NFIB: variants seen among roughly 807,000 people sequenced by gnomAD.
The protein encoded by NFIB is nuclear factor 1 B-type.
In NFIB, 11 loss-of-function variants were observed where a neutral mutation model predicts 61.5. The observed-to-expected ratio is 0.18, with a 90% confidence interval of 0.11 to 0.30. The LOEUF (loss-of-function observed/expected upper bound fraction) is 0.30. NFIB is among the 10% of genes least tolerant of loss of function. The pLI is 1.00. For synonymous variants in NFIB, 260 were observed against 216.5 expected (o/e 1.20, Z -1.76); for missense variants, 471 against 608.9 (o/e 0.77, Z 2.38).
At chr9:14,347,680 C>A (rs1417613288) in intron 1 of NFIB, among the ~76,000 whole-genome samples, 3 of 152,120 alleles carry the variant, frequency 2.0e-5, no homozygotes, top group African/African-American at 4.8e-5. Context: ...CCCAGAGGCA[C>A]TGGGGGGTCG....
chr9:14,185,954 C>A (rs2047290798), intron 2 of NFIB, among the ~76,000 whole-genome samples: 1 of 152,218 alleles, frequency 6.6e-6, no homozygotes, highest in South Asian at 2.1e-4. Flanking sequence ...CATGTCCCTA[C>A]TTTGCAAGCA....
intron 2 of NFIB, among the ~76,000 whole-genome samples, chr9:14,249,586 T>C (rs773798647): frequency 2.6e-5 from 4 of 152,104 alleles, no homozygotes; most frequent in Non-Finnish European, 4.4e-5. Flanking sequence ...TCAGTTTACG[T>C]CTATCATGAT....
the NFIB span, among the ~76,000 whole-genome samples, chr9:14,413,961 G>A: frequency 4.6e-5 from 7 of 152,098 alleles, no homozygotes; most frequent in Non-Finnish European, 1.0e-4. Flanking sequence ...ATCCTACTTG[G>A]TTCAAGGGTT....
Position 14,313,982 on chromosome 9 carries a change from G to C in NFIB, c.-471C>G, listed in dbSNP as rs1277311137. 9.4e-7 allele frequency: 1 copy of C among 1,058,474 alleles called. No individual in the cohort carries two copies. The highest frequency in any genetic ancestry group is 1.1e-6 in the Non-Finnish European group (1 of 877,138). 65.6% of individuals were successfully genotyped at this position (1,058,474 alleles called of 1,614,324 possible). A position where few individuals can be genotyped will look rare whatever the true frequency, so the allele number is the denominator to read the frequency against. ...CGCGGGAGGGCGCAGGAGGGCGAGC[G>C]GGCGGGCGGGAGGGAGAGCGGGGAG... On this transcript the variant is annotated 5_prime_UTR_variant, in exon 1 of 11. Coordinates refer to ENST00000380953, the MANE Select transcript of NFIB (RefSeq NM_001190737.2). The surrounding 1 kb of genome is among the most constrained non-coding windows in gnomAD (Gnocchi z 4.5).
chr9:14,407,614 A>ATATATATCATATATATTCCATACTATAT, the NFIB span, among the ~76,000 whole-genome samples: 1 of 152,214 alleles, frequency 6.6e-6, no homozygotes, highest in African/African-American at 2.4e-5. Flanking sequence ...ATAAAAATTC[A>ATATATATCATATATATTCCATACTATAT]GATAGTGTGG....
rs370064977 is a variant in NFIB at position 14,118,096 on chromosome 9, T to TA, written c.1246-1751dup. ...AAATCAAAGCAGATACACTGTTCCT[T>TA]AAAAAAAAAATCTGCAGTTAACTAT... On this transcript the variant is annotated intron_variant, in intron 8 of 10. Coordinates refer to ENST00000380953, the MANE Select transcript of NFIB (RefSeq NM_001190737.2). 2.8e-3 allele frequency among the ~76,000 whole-genome samples: 416 copies of TA among 149,946 alleles called. 3 individuals carry two copies. Among genetic ancestry groups the TA allele is most frequent in the African/African-American group, 9.2e-3 (379 of 41,004 alleles).
At chr9:14,216,388 G>A (rs1050043630) in intron 2 of NFIB, among the ~76,000 whole-genome samples, 1 of 152,114 alleles carries the variant, frequency 6.6e-6, no homozygotes, top group African/African-American at 2.4e-5. Flanking sequence ...GGATGAAGTA[G>A]AAACTAAAAA....
chr9:14,388,713 T>G (rs2061584666), intron 1 of NFIB, among the ~76,000 whole-genome samples: 1 of 152,174 alleles, frequency 6.6e-6, no homozygotes, highest in Admixed American at 6.5e-5. Flanking sequence ...TGGGATTTGA[T>G]AGTGGATGAG....
At chr9:14,367,077 C>A (rs2061309011) in intron 1 of NFIB, among the ~76,000 whole-genome samples, 1 of 152,106 alleles carries the variant, frequency 6.6e-6, no homozygotes. Flanking sequence ...AGTTGATGAC[C>A]ATGATAATGA....
intron 3 of NFIB, among the ~76,000 whole-genome samples, chr9:14,173,182 C>A (rs1178197659): frequency 6.6e-6 from 1 of 152,164 alleles, no homozygotes; most frequent in Non-Finnish European, 1.5e-5. Context: ...CAGGTGTGCT[C>A]CCCTATGTGA....
the NFIB span, among the ~76,000 whole-genome samples, chr9:14,523,849 C>CA: frequency 9.2e-5 from 14 of 152,288 alleles, no homozygotes; most frequent in African/African-American, 3.4e-4. Context: ...CAGAGAAATA[C>CA]AAACTTATTG....
At chr9:14,489,508 C>T in the NFIB span, among the ~76,000 whole-genome samples, 3 of 151,642 alleles carry the variant, frequency 2.0e-5, no homozygotes, top group East Asian at 5.8e-4. Context: ...TTTCATTTAA[C>T]TAAGATGAAA....
rs2132405828 is a variant in NFIB, at chr9:14,278,400, C to T, written c.562+28589G>A. On this transcript the variant is annotated intron_variant, in intron 2 of 10. Coordinates refer to ENST00000380953, the MANE Select transcript of NFIB (RefSeq NM_001190737.2). Reference sequence around the variant, plus strand: ...GCTGCTGTTATTTGTCATAACATTCCTAACAAGATACACATGTTCAATCAG... The same window carrying T: ...GCTGCTGTTATTTGTCATAACATTCTTAACAAGATACACATGTTCAATCAG... Among the ~76,000 whole-genome samples, 4 of 152,318 alleles carry T rather than the reference C, an allele frequency of 2.6e-5. No individual in the cohort carries two copies. The South Asian group carries it at 8.3e-4, about 32-fold the overall frequency.
At chr9:14,255,182 C>T (rs2056096802) in intron 2 of NFIB, among the ~76,000 whole-genome samples, 1 of 151,966 alleles carries the variant, frequency 6.6e-6, no homozygotes, top group Non-Finnish European at 1.5e-5. Context: ...ATGATCACAC[C>T]ACTGAACTCC....
the NFIB span, among the ~76,000 whole-genome samples, chr9:14,474,951 C>T: frequency 6.6e-6 from 1 of 152,190 alleles, no homozygotes; most frequent in Non-Finnish European, 1.5e-5. Context: ...TATCTGGGCC[C>T]TCAATGGATT....
chr9:14,184,946 C>T (rs981839072), intron 2 of NFIB, among the ~76,000 whole-genome samples: 8 of 152,104 alleles, frequency 5.3e-5, no homozygotes, highest in African/African-American at 1.9e-4. Context: ...TCACTTGGAC[C>T]TGGGAGGTGG....
intron 2 of NFIB, among the ~76,000 whole-genome samples, chr9:14,239,794 C>G (rs1013832327): frequency 1.3e-5 from 2 of 152,110 alleles, no homozygotes; most frequent in African/African-American, 2.4e-5. Context: ...CTGGGGTTTT[C>G]TACCCAGCAG....
intron 3 of NFIB, among the ~76,000 whole-genome samples, chr9:14,158,105 C>T (rs566848243): frequency 1.5e-5 from 2 of 134,596 alleles, no homozygotes; most frequent in Non-Finnish European, 3.1e-5. Flanking sequence ...AACAAGACTC[C>T]ATCTCAAAAA....
At chr9:14,495,446 C>CTTTTTTTTTTTTTTTTTTTTTTTTTT in the NFIB span, among the ~76,000 whole-genome samples, 19 of 117,260 alleles carry the variant, frequency 1.6e-4, 4 homozygotes, top group African/African-American at 7.1e-4. Flanking sequence ...GAGAAATGAA[C>CTTTTTTTTTTTTTTTTTTTTTTTTTT]TTTTTTTTTT....
Sources: gnomAD v4.1 joint callset for allele counts (sites outside exome capture counted in the v4.1 genomes callset) on GRCh38, gnomAD v4.1.1 for gene constraint, Gnocchi (gnomAD v3.1) non-coding constraint, MANE v1.5 for transcripts, NCBI Gene and HGNC (gene_info 2026-07-23, HGNC 2026-07-21) for gene names.